Variants in KDM1B observed in about 807,000 individuals in gnomAD.
KDM1B encodes the protein lysine-specific histone demethylase 2.
KDM1B carries 63 observed loss-of-function variants against 107.4 expected under a neutral mutation model. The ratio of observed to expected loss-of-function variants is 0.59; its 90% confidence interval spans 0.48 to 0.72. KDM1B has a LOEUF of 0.72. Among genes scored for constraint, KDM1B ranks in the 30% least tolerant of loss-of-function variants. KDM1B has a pLI of 0.00. For missense variants in KDM1B, 749 were observed against 1,020.8 expected (o/e 0.73, Z 3.63); for synonymous variants, 363 against 363.9 (o/e 1.00, Z 0.03).
rs1788682898 is a variant in KDM1B at position 18,209,615 on chromosome 6, T to C, written c.1866+1409T>C. Among the ~76,000 whole-genome samples, 1 of 152,128 alleles carries C rather than the reference T, an allele frequency of 6.6e-6. No individual in the cohort carries two copies. Among genetic ancestry groups the C allele is most frequent in the Admixed American group, 6.5e-5 (1 of 15,268 alleles). ...TGAATTGGCCTCGCTTTTTTGTTTG[T>C]TTTTTTCAGAGACAGGGTCTCAGTC... On this transcript the variant is annotated intron_variant, in intron 17 of 21. Coordinates refer to ENST00000650836, the MANE Select transcript of KDM1B (RefSeq NM_001364614.2). The surrounding 1 kb of genome is among the most constrained non-coding windows in gnomAD (Gnocchi z 4.3).
chr6:18,191,512 C>A lies in KDM1B; in HGVS notation c.969+131C>A. Reference sequence around the variant, plus strand: ...GCCGTGCCTCTGTTGACAATTTGGGCAGATAATTCTTTGTGGTGGGGACTG... The same window carrying A: ...GCCGTGCCTCTGTTGACAATTTGGGAAGATAATTCTTTGTGGTGGGGACTG... On this transcript the variant is annotated intron_variant, in intron 10 of 21. Transcript: ENST00000650836. This position sits in a 1 kb window ranked among gnomAD's most constrained non-coding sequence, Gnocchi z 5.1. 1 of 1,024,710 alleles carries A rather than the reference C, an allele frequency of 9.8e-7. No homozygotes were observed. The highest frequency in any genetic ancestry group is 1.4e-6 in the Non-Finnish European group (1 of 715,674). 63.5% of individuals were successfully genotyped at this position (1,024,710 alleles called of 1,614,324 possible).
At position 18,204,023 on chromosome 6, in the gene KDM1B, G is replaced by A. The variant is rs902471556; in HGVS notation, c.1532-1514G>A. On this transcript the variant is annotated intron_variant, in intron 14 of 21. Transcript: ENST00000650836. The surrounding 1 kb of genome is among the most constrained non-coding windows in gnomAD (Gnocchi z 4.9). Reference sequence around the variant, plus strand: ...CAAAAGTCACAGAAAGTGGCACAAAGCCCAGGGGTCTAGGAGCAACAAAGA... The same window carrying A: ...CAAAAGTCACAGAAAGTGGCACAAAACCCAGGGGTCTAGGAGCAACAAAGA... 6.6e-6 allele frequency among the ~76,000 whole-genome samples: 1 copy of A among 152,088 alleles called. No individual in the cohort carries two copies. Among genetic ancestry groups the A allele is most frequent in the African/African-American group, 2.4e-5 (1 of 41,404 alleles).
chr6:18,221,822 A>G, intron 21 of KDM1B, 87 bp from the exon 22 acceptor site: 1 of 1,047,410 alleles, frequency 9.5e-7, no homozygotes, highest in Admixed American at 2.2e-5. Context: ...TCTTTATGTT[A>G]GACCAGATAA....
At chr6:18,216,063 T>C (rs1429189280) in intron 20 of KDM1B, among the ~76,000 whole-genome samples, 1 of 152,160 alleles carries the variant, frequency 6.6e-6, no homozygotes, top group African/African-American at 2.4e-5. Flanking sequence ...TCAGATATGT[T>C]GCTTATTTTA....
At chr6:18,215,897 C>A (rs1789189726) in intron 20 of KDM1B, among the ~76,000 whole-genome samples, 1 of 152,044 alleles carries the variant, frequency 6.6e-6, no homozygotes, top group East Asian at 1.9e-4. Flanking sequence ...AGTCTCTTTT[C>A]TCCACGGAGC....
rs1788914672 is a variant in KDM1B at position 18,212,435 on chromosome 6, T to C, written c.1867-53T>C. On this transcript the variant is annotated intron_variant, in intron 17 of 21. Coordinates refer to ENST00000650836, the MANE Select transcript of KDM1B (RefSeq NM_001364614.2). The surrounding 1 kb of genome is among the most constrained non-coding windows in gnomAD (Gnocchi z 5.2). ...TGGGTTGTTGATACCAGTGTAGTGG[T>C]AGTGTGAGGTTCTGTTGCTGTTTGT... The C allele has an allele frequency of 1.0e-6, 1 of 996,242 alleles. No individual in the cohort carries two copies. The allele number at this position is 996,242 out of a possible 1,614,324, so 61.7% of individuals were successfully genotyped here.
chr6:18,161,378 GAGA>G lies in KDM1B; in HGVS notation c.145_147del (p.Lys49del), dbSNP rs765737143. 2 of 1,614,016 alleles carry G rather than the reference GAGA, an allele frequency of 1.2e-6. No individual in the cohort carries two copies. The highest frequency in any genetic ancestry group is 1.1e-5 in the South Asian group (1 of 91,072). On this transcript the variant is annotated inframe_deletion, in exon 4 of 22. Coordinates refer to ENST00000650836, the MANE Select transcript of KDM1B (RefSeq NM_001364614.2). ...AGATGAGGATGAAGATGGTGGCTCA[GAGA>G]AGAAGTACAGGAAATGTGAAAAGGC...
intron 5 of KDM1B, among the ~76,000 whole-genome samples, chr6:18,165,224 C>T (rs1478359025): frequency 6.8e-6 from 1 of 147,406 alleles, no homozygotes; most frequent in Admixed American, 6.8e-5. Flanking sequence ...AGCTCTGCCT[C>T]CCAAGTTCAC....
chr6:18,206,627 G>A (rs576432039), intron 15 of KDM1B, among the ~76,000 whole-genome samples: 2 of 152,230 alleles, frequency 1.3e-5, no homozygotes, highest in South Asian at 2.1e-4. Context: ...GTCTTGCCAT[G>A]TTGCCTAGTC....
intron 2 of KDM1B, among the ~76,000 whole-genome samples, chr6:18,157,015 C>CA (rs1288972664): frequency 2.0e-5 from 3 of 152,016 alleles, no homozygotes; most frequent in Admixed American, 6.6e-5. Context: ...ATATATTTAC[C>CA]AAAAAATCCC....
intron 8 of KDM1B, among the ~76,000 whole-genome samples, chr6:18,187,578 G>A (rs548072530): frequency 2.0e-5 from 3 of 152,132 alleles, no homozygotes; most frequent in African/African-American, 7.2e-5. Context: ...AAAGAATTCT[G>A]TCTGGGAGAC....
chr6:18,192,112 A>G (rs960452391), intron 10 of KDM1B, among the ~76,000 whole-genome samples: 1 of 152,076 alleles, frequency 6.6e-6, no homozygotes, highest in South Asian at 2.1e-4. Context: ...AAATTAAAAA[A>G]TTAGCCATGT....
chr6:18,187,933 C>A lies in KDM1B; in HGVS notation c.715C>A (p.Arg239Ser). ...GAGCCCCTCCTGCACCAGCACAAACCGCGCCGCTGCCACTGGCAATGCCAG... is the reference window on the plus strand; with the variant it reads ...GAGCCCCTCCTGCACCAGCACAAACAGCGCCGCTGCCACTGGCAATGCCAG... ...GMSPSCTSTN[R>S]AAATGNASPG... Residue 239 changes from arginine (R) to serine (S), a missense_variant, in exon 9 of 22, where the codon CGC becomes AGC. Arg to Ser is a moderately radical substitution (Grantham distance 110, BLOSUM62 -1). Transcript: ENST00000650836. The A allele has an allele frequency of 1.3e-6, 2 of 1,550,482 alleles. No individual in the cohort carries two copies. Among genetic ancestry groups the A allele is most frequent in the Non-Finnish European group, 1.7e-6 (2 of 1,146,992 alleles).
At chr6:18,179,604 G>A (rs1030173862) in intron 7 of KDM1B, among the ~76,000 whole-genome samples, 1 of 151,990 alleles carries the variant, frequency 6.6e-6, no homozygotes, top group Non-Finnish European at 1.5e-5. Context: ...ATTTTGGAAG[G>A]TTGTGTTTTT....
At chr6:18,166,224 A>G in intron 5 of KDM1B, 43 bp from the exon 6 acceptor site, 1 of 916,264 alleles carries the variant, frequency 1.1e-6, no homozygotes, top group Non-Finnish European at 1.8e-6. Flanking sequence ...TGCTTATAGC[A>G]ATCGATATAT....
chr6:18,180,975 G>C (rs892941537), intron 7 of KDM1B, among the ~76,000 whole-genome samples: 1 of 152,188 alleles, frequency 6.6e-6, no homozygotes, highest in Non-Finnish European at 1.5e-5. Flanking sequence ...GGACAACTTT[G>C]ACTTTACTAA....
At chr6:18,183,710 T>G (rs776464165) in intron 7 of KDM1B, among the ~76,000 whole-genome samples, 6 of 152,152 alleles carry the variant, frequency 3.9e-5, no homozygotes, top group Non-Finnish European at 8.8e-5. Context: ...CTCTTTTCGC[T>G]CAACATTAAG....
intron 8 of KDM1B, 92 bp downstream of exon 8, chr6:18,185,902 T>C: frequency 8.0e-7 from 1 of 1,242,888 alleles, no homozygotes; most frequent in Non-Finnish European, 1.2e-6. Context: ...CATGAATTTC[T>C]TTCTCTTTGG....
chr6:18,180,038 AT>A (rs111745055), intron 7 of KDM1B, among the ~76,000 whole-genome samples: 4,178 of 121,698 alleles, frequency 0.034, 110 homozygotes, highest in African/African-American at 0.09. Flanking sequence ...TAATTTTTGT[AT>A]TTTTTTTTTT....
Sources: gnomAD v4.1 joint callset for allele counts (sites outside exome capture counted in the v4.1 genomes callset) on GRCh38, gnomAD v4.1.1 for gene constraint, Gnocchi (gnomAD v3.1) non-coding constraint, MANE v1.5 for transcripts, NCBI Gene and HGNC (gene_info 2026-07-23, HGNC 2026-07-21) for gene names.